COL21A1: variants seen among roughly 807,000 people sequenced by gnomAD.
The protein encoded by COL21A1 is collagen type XXI alpha 1 chain.
Under a neutral mutation model 137.9 loss-of-function variants are expected in COL21A1, and 149 were observed. The ratio of observed to expected loss-of-function variants is 1.08; its 90% confidence interval spans 0.95 to 1.24. COL21A1 has a LOEUF of 1.24. Ranked by LOEUF, COL21A1 falls within the 50% of genes most tolerant of loss-of-function variation. The pLI is 0.00. For synonymous variants in COL21A1, 456 were observed against 391.5 expected (o/e 1.16, Z -1.95); for missense variants, 1,167 against 1,158.4 (o/e 1.01, Z -0.11).
chr6:56,360,350 GGGATGT>G (rs1187438441), intron 1 of COL21A1, among the ~76,000 whole-genome samples: 2 of 152,158 alleles, frequency 1.3e-5, no homozygotes, highest in Admixed American at 6.5e-5. Context: ...GCTAGACTCA[GGGATGT>G]GCATGATACT....
chr6:56,166,955 C>T lies in COL21A1; in HGVS notation c.1229G>A (p.Cys410Tyr), dbSNP rs1776631743. ...QFDVQKLRIY[C>Y]DPEQNNRETA... is the part of the protein sequence containing the mutation. ...CTCCCGGTTGTTCTGTTCTGGGTCACAGTAGATTCGCAACTTTTGGACATC... is the reference window on the plus strand; with the variant it reads ...CTCCCGGTTGTTCTGTTCTGGGTCATAGTAGATTCGCAACTTTTGGACATC... Residue 410 changes from cysteine to tyrosine, a missense_variant, in exon 7 of 30, where the codon TGT becomes TAT. Cys to Tyr is a radical substitution (Grantham distance 194). Coordinates refer to ENST00000244728, the MANE Select transcript of COL21A1 (RefSeq NM_030820.4). 2 of 1,612,574 alleles carry T rather than the reference C, an allele frequency of 1.2e-6. No homozygotes were observed. The highest frequency in any genetic ancestry group is 2.7e-5 in the African/African-American group (2 of 74,988).
intron 1 of COL21A1, among the ~76,000 whole-genome samples, chr6:56,323,939 T>C (rs9475674): frequency 0.35 from 53,810 of 151,942 alleles, 10,289 homozygotes; most frequent in Non-Finnish European, 0.44. Context: ...TAACGCTTGG[T>C]CAAGCAAAGA....
chr6:56,339,594 G>A (rs9296840), intron 1 of COL21A1, among the ~76,000 whole-genome samples: 97,965 of 151,988 alleles, frequency 0.64, 31,912 homozygotes, highest in South Asian at 0.81. Context: ...GAAAAACTCC[G>A]GGTAGCACAC....
intron 1 of COL21A1, among the ~76,000 whole-genome samples, chr6:56,260,521 C>G (rs1763224802): frequency 6.7e-6 from 1 of 148,582 alleles, no homozygotes; most frequent in South Asian, 2.1e-4. Context: ...TTGCAGTGAA[C>G]CAAGACTGAG....
chr6:56,186,221 A>G (rs187665001), intron 1 of COL21A1, among the ~76,000 whole-genome samples: 23 of 152,288 alleles, frequency 1.5e-4, no homozygotes, highest in African/African-American at 4.8e-4. Context: ...TATATAATGT[A>G]CTTTGGTAAG....
rs769476173 is a variant in COL21A1 at position 56,101,534 on chromosome 6, G to T, written c.1759-9C>A. The T allele has an allele frequency of 6.3e-7, 1 of 1,576,756 alleles. No individual in the cohort carries two copies. The highest frequency in any genetic ancestry group is 8.6e-7 in the Non-Finnish European group (1 of 1,159,210). On this transcript the variant is annotated splice_polypyrimidine_tract_variant and intron_variant, in intron 16 of 29. Coordinates refer to ENST00000244728, the MANE Select transcript of COL21A1 (RefSeq NM_030820.4). ...GGGGATCCTGCTTCTCCCTTTTAATGATTTGACAAAAAGAAATAGAGAATT... is the reference window on the plus strand; with the variant it reads ...GGGGATCCTGCTTCTCCCTTTTAATTATTTGACAAAAAGAAATAGAGAATT...
intron 12 of COL21A1, among the ~76,000 whole-genome samples, chr6:56,127,015 T>C (rs934044835): frequency 1.3e-5 from 2 of 152,192 alleles, no homozygotes; most frequent in African/African-American, 4.8e-5. Flanking sequence ...CAAAGGCAAC[T>C]CTTTTTATTC....
intron 17 of COL21A1, among the ~76,000 whole-genome samples, chr6:56,097,926 TAAATATATAA>T (rs1562188659): frequency 2.2e-4 from 21 of 96,006 alleles, no homozygotes; most frequent in African/African-American, 4.4e-4. Flanking sequence ...TATAAATATA[TAAATATATAA>T]AAATATATAT....
chr6:56,060,353 C>T, intron 27 of COL21A1, 135 bp from the exon 28 acceptor site: 1 of 734,800 alleles, frequency 1.4e-6, no homozygotes, highest in Non-Finnish European at 2.2e-6. Context: ...CCAATAATTT[C>T]ACTTCTAGGA....
chr6:56,163,506 C>G (rs1039836934), intron 9 of COL21A1, among the ~76,000 whole-genome samples: 1 of 151,994 alleles, frequency 6.6e-6, no homozygotes, highest in Non-Finnish European at 1.5e-5. Context: ...GTCAAGAGAT[C>G]GAGACGATCC....
At chr6:56,067,373 C>T (rs781749270) in intron 22 of COL21A1, 43 bp from the exon 23 acceptor site, 3 of 1,536,498 alleles carry the variant, frequency 2.0e-6, no homozygotes, top group South Asian at 2.3e-5. Flanking sequence ...CTAGCATATT[C>T]TGTACAGTTT....
intron 3 of COL21A1, among the ~76,000 whole-genome samples, chr6:56,178,401 G>T (rs75164691): frequency 6.6e-5 from 10 of 152,102 alleles, no homozygotes; most frequent in Middle Eastern, 6.8e-3. Flanking sequence ...GGAAGAAGAC[G>T]TTTAATTTTC....
At chr6:56,290,498 G>GTTT (rs371058894) in intron 1 of COL21A1, among the ~76,000 whole-genome samples, 35 of 132,944 alleles carry the variant, frequency 2.6e-4, no homozygotes, top group South Asian at 4.9e-4. Context: ...TCACTTAGGA[G>GTTT]ATTTTTTTTT....
At chr6:56,139,440 A>C (rs747211458) in intron 12 of COL21A1, among the ~76,000 whole-genome samples, 1 of 152,020 alleles carries the variant, frequency 6.6e-6, no homozygotes, top group Non-Finnish European at 1.5e-5. Context: ...ATAATCTGTA[A>C]CTGCTTTAAG....
intron 14 of COL21A1, 67 bp downstream of exon 14, chr6:56,125,500 T>C: frequency 8.9e-7 from 1 of 1,127,632 alleles, no homozygotes; most frequent in Non-Finnish European, 1.3e-6. Flanking sequence ...GAACTGCAAT[T>C]CTAGTTTTCT....
intron 4 of COL21A1, 31 bp downstream of exon 4, chr6:56,170,929 C>CA (rs755019590): frequency 6.3e-7 from 1 of 1,589,368 alleles, no homozygotes; most frequent in Non-Finnish European, 8.6e-7. Context: ...CATATCCCCC[C>CA]AAAAAAGTTG....
At chr6:56,320,260 G>T (rs538118854) in intron 1 of COL21A1, among the ~76,000 whole-genome samples, 1 of 152,096 alleles carries the variant, frequency 6.6e-6, no homozygotes, top group East Asian at 1.9e-4. Flanking sequence ...TGTTGGTTCT[G>T]CCTTCAAAAT....
intron 1 of COL21A1, among the ~76,000 whole-genome samples, chr6:56,313,887 A>G (rs1021560507): frequency 6.6e-6 from 1 of 152,206 alleles, no homozygotes; most frequent in East Asian, 1.9e-4. Flanking sequence ...CAGAAACATG[A>G]AAGACTCCTG....
intron 1 of COL21A1, among the ~76,000 whole-genome samples, chr6:56,268,331 G>A (rs1010132860): frequency 6.6e-6 from 1 of 152,154 alleles, no homozygotes; most frequent in Non-Finnish European, 1.5e-5. Context: ...TGCGGTTCCA[G>A]GGATCAGAAT....
Sources: allele counts gnomAD v4.1 joint callset (sites outside exome capture counted in the v4.1 genomes callset), GRCh38; gene constraint gnomAD v4.1.1; transcripts MANE v1.5; gene names NCBI Gene and HGNC (gene_info 2026-07-23, HGNC 2026-07-21).